PARN: variants seen among roughly 807,000 people sequenced by gnomAD.
PARN encodes the protein poly(A)-specific ribonuclease.
PARN carries 71 observed loss-of-function variants against 102.8 expected under a neutral mutation model. That is an observed-to-expected ratio of 0.69 (90% CI 0.57 to 0.84). The LOEUF (loss-of-function observed/expected upper bound fraction) is 0.84. PARN is among the 40% of genes least tolerant of loss of function. The probability of loss-of-function intolerance (pLI) is 0.00; values close to 1 mark genes in which losing one functional copy is unlikely to be tolerated. For missense variants in PARN, 782 were observed against 760.9 expected (o/e 1.03, Z -0.33); for synonymous variants, 261 against 252.9 (o/e 1.03, Z -0.30).
intron 12 of PARN, among the ~76,000 whole-genome samples, chr16:14,599,186 G>A (rs148439215): frequency 0.01 from 1,537 of 151,940 alleles, 27 homozygotes; most frequent in African/African-American, 0.035. Flanking sequence ...GGAACCACAG[G>A]CATATACCAC....
At chr16:14,561,318 T>C (rs972995021) in intron 18 of PARN, among the ~76,000 whole-genome samples, 6 of 152,140 alleles carry the variant, frequency 3.9e-5, no homozygotes, top group African/African-American at 1.4e-4. Flanking sequence ...TGGATCAGCA[T>C]CACCTGGGAA....
At chr16:14,471,805 G>A (rs565429157) in intron 22 of PARN, among the ~76,000 whole-genome samples, 16 of 152,224 alleles carry the variant, frequency 1.1e-4, no homozygotes, top group African/African-American at 3.6e-4. Context: ...TGTCCTCAAG[G>A]TGCTTTTATA....
intron 22 of PARN, among the ~76,000 whole-genome samples, chr16:14,454,599 A>C (rs1394212432): frequency 6.6e-6 from 1 of 152,210 alleles, no homozygotes; most frequent in Non-Finnish European, 1.5e-5. Context: ...GTGGTGTAAC[A>C]TAAGAACAGA....
intron 21 of PARN, among the ~76,000 whole-genome samples, chr16:14,490,388 G>A (rs917804401): frequency 6.6e-6 from 1 of 152,186 alleles, no homozygotes; most frequent in East Asian, 1.9e-4. Flanking sequence ...AAGGCACCCG[G>A]TTTGTGTCAT....
chr16:14,463,118 C>A (rs188868774), intron 22 of PARN, among the ~76,000 whole-genome samples: 1 of 152,204 alleles, frequency 6.6e-6, no homozygotes, highest in African/African-American at 2.4e-5. Flanking sequence ...AGAACAACGC[C>A]TGTTCCCACC....
intron 21 of PARN, among the ~76,000 whole-genome samples, chr16:14,550,498 A>G (rs922318810): frequency 2.0e-5 from 3 of 152,190 alleles, no homozygotes; most frequent in African/African-American, 7.2e-5. Flanking sequence ...AAGTTCATCA[A>G]GGTTAAATAA....
At chr16:14,478,219 G>A (rs948226014) in intron 22 of PARN, among the ~76,000 whole-genome samples, 3 of 152,128 alleles carry the variant, frequency 2.0e-5, no homozygotes, top group African/African-American at 7.2e-5. Context: ...AGGAGGCTGA[G>A]GTGGGATGAT....
intron 6 of PARN, among the ~76,000 whole-genome samples, chr16:14,617,289 TAGG>T: frequency 6.9e-6 from 1 of 144,704 alleles, no homozygotes; most frequent in Non-Finnish European, 1.5e-5. Context: ...GAGGCTGAGG[TAGG>T]AGAATGGTGT....
rs150924903 is a variant in PARN at position 14,511,694 on chromosome 16, T to G, written c.1481-28867A>C. Among the ~76,000 whole-genome samples the G allele has an allele frequency of 1.8e-4, 28 of 152,210 alleles. No homozygotes were observed. In the East Asian group the frequency reaches 3.3e-3, roughly 18 times the overall value. ...AATGCATCCACTATGTTATGGTATGTTATGTTATGTTATGTTATATTTTAG... is the reference window on the plus strand; with the variant it reads ...AATGCATCCACTATGTTATGGTATGGTATGTTATGTTATGTTATATTTTAG... On this transcript the variant is annotated intron_variant, in intron 21 of 23. Transcript: ENST00000437198.
chr16:14,540,940 G>T (rs1017719817), intron 21 of PARN, among the ~76,000 whole-genome samples: 10 of 152,054 alleles, frequency 6.6e-5, no homozygotes, highest in African/African-American at 9.7e-5. Flanking sequence ...CACAGGACAA[G>T]ACTCCGTCTT....
intron 13 of PARN, among the ~76,000 whole-genome samples, chr16:14,587,907 T>A (rs1193467441): frequency 1.3e-5 from 2 of 152,234 alleles, no homozygotes; most frequent in Admixed American, 1.3e-4. Flanking sequence ...ATACAATGTG[T>A]TAAGTCAGGC....
chr16:14,447,120 G>C (rs1472334898), intron 22 of PARN, 39 bp from the exon 23 acceptor site: 2 of 1,424,122 alleles, frequency 1.4e-6, no homozygotes, highest in South Asian at 2.5e-5. Flanking sequence ...AAGGTGCTGA[G>C]AGTTACAGGA....
At chr16:14,490,112 C>T (rs1407611784) in intron 21 of PARN, among the ~76,000 whole-genome samples, 4 of 152,132 alleles carry the variant, frequency 2.6e-5, no homozygotes, top group South Asian at 2.1e-4. Context: ...GAACTGAGAT[C>T]GTGCCATTGC....
At chr16:14,479,879 T>C (rs1480312652) in intron 22 of PARN, among the ~76,000 whole-genome samples, 2 of 147,664 alleles carry the variant, frequency 1.4e-5, no homozygotes, top group African/African-American at 5.0e-5. Flanking sequence ...TTGAAATGGG[T>C]CATGACCTAA....
intron 21 of PARN, among the ~76,000 whole-genome samples, chr16:14,514,802 G>A (rs541837758): frequency 6.6e-6 from 1 of 152,330 alleles, no homozygotes; most frequent in African/African-American, 2.4e-5. Context: ...AAGGGAGAAG[G>A]GAGGAAGCAG....
chr16:14,553,449 A>G (rs1701360846), intron 20 of PARN, among the ~76,000 whole-genome samples: 1 of 152,236 alleles, frequency 6.6e-6, no homozygotes. Context: ...CTTTCTTACT[A>G]CTGGACATTT....
rs922164295 is a variant in PARN, at chr16:14,435,728, C to G, written c.*989G>C. ...CTATGAAAATGTTTTTAATTTTCAT[C>G]TTTTGGAAATACATTTTTCATTTTT... On this transcript the variant is annotated 3_prime_UTR_variant, in exon 24 of 24. Coordinates refer to ENST00000437198, the MANE Select transcript of PARN (RefSeq NM_002582.4). The G allele has an allele frequency of 1.3e-5, 2 of 151,952 alleles. No individual in the cohort carries two copies. Among genetic ancestry groups the G allele is most frequent in the African/African-American group, 2.4e-5 (1 of 41,356 alleles). 9.4% of individuals were successfully genotyped at this position (151,952 alleles called of 1,614,324 possible).
chr16:14,483,903 TC>T (rs1191311629), intron 21 of PARN, among the ~76,000 whole-genome samples: 1 of 152,208 alleles, frequency 6.6e-6, no homozygotes, highest in Non-Finnish European at 1.5e-5. Context: ...ATGGAAAAGT[TC>T]TTCAGTGACG....
intron 12 of PARN, among the ~76,000 whole-genome samples, chr16:14,597,004 G>A (rs571743450): frequency 1.3e-5 from 2 of 152,020 alleles, no homozygotes; most frequent in Admixed American, 6.5e-5. Context: ...TTAGGCTGGT[G>A]TCGAACTCCC....
Sources: allele counts gnomAD v4.1 joint callset (sites outside exome capture counted in the v4.1 genomes callset), GRCh38; gene constraint gnomAD v4.1.1; transcripts MANE v1.5; gene names NCBI Gene and HGNC (gene_info 2026-07-23, HGNC 2026-07-21).